MAP3K4: variants seen among roughly 807,000 people sequenced by gnomAD.
The protein encoded by MAP3K4 is mitogen-activated protein kinase kinase kinase 4, also known as MAP three kinase 1.
Under a neutral mutation model 185.6 loss-of-function variants are expected in MAP3K4, and 67 were observed. The ratio of observed to expected loss-of-function variants is 0.36; its 90% CI spans 0.30 to 0.44. The LOEUF is 0.44. MAP3K4 is among the 20% of genes least tolerant of loss of function. MAP3K4 has a pLI of 1.00. For synonymous variants in MAP3K4, 702 were observed against 710.4 expected (o/e 0.99, Z 0.19); for missense variants, 1,551 against 1,995.1 (o/e 0.78, Z 4.24).
At position 161,084,769 on chromosome 6, in the gene MAP3K4, T is replaced by C. The variant is rs1785619603; in HGVS notation, c.2372+152T>C. The C allele has an allele frequency of 2.0e-6, 1 of 511,148 alleles. No individual in the cohort carries two copies. Among genetic ancestry groups the C allele is most frequent in the African/African-American group, 1.9e-5 (1 of 51,676 alleles). 31.7% of individuals were successfully genotyped at this position (511,148 alleles called of 1,614,324 possible). ...TAAAGGGATTTATTTATAACTGCCT[T>C]GTCTTTTCATGTGATTTCTTAGTTA... On this transcript the variant is annotated intron_variant, in intron 7 of 26. Coordinates refer to ENST00000392142, the MANE Select transcript of MAP3K4 (RefSeq NM_005922.4). This position sits in a 1 kb window ranked among gnomAD's most constrained non-coding sequence, Gnocchi z 4.6.
At chr6:161,018,725 A>G (rs1361824532) in intron 1 of MAP3K4, among the ~76,000 whole-genome samples, 1 of 152,212 alleles carries the variant, frequency 6.6e-6, no homozygotes, top group Non-Finnish European at 1.5e-5. Context: ...CCAGGAGAAA[A>G]ATTAGTCAAT....
chr6:160,998,795 A>G lies in MAP3K4; in HGVS notation c.152+6712A>G, dbSNP rs113302046. On this transcript the variant is annotated intron_variant, in intron 1 of 26. Transcript: ENST00000392142. Reference sequence around the variant, plus strand: ...TTTAAGCGGTGTACTTGAAATGTCTATATTTTAAAAGATACATTATTCCAC... The same window carrying G: ...TTTAAGCGGTGTACTTGAAATGTCTGTATTTTAAAAGATACATTATTCCAC... Among the ~76,000 whole-genome samples the G allele has an allele frequency of 4.0e-3, 604 of 152,342 alleles. 3 individuals carry two copies. The highest frequency in any genetic ancestry group is 0.012 in the African/African-American group (512 of 41,572).
Position 161,070,899 on chromosome 6 carries a change from T to A in MAP3K4, c.1950+49T>A, listed in dbSNP as rs1175680603. ...ATATTTAGCAATTATTATATTATCCTACAGGCTTATCATTTTTATTTTGAG... is the reference window on the plus strand; with the variant it reads ...ATATTTAGCAATTATTATATTATCCAACAGGCTTATCATTTTTATTTTGAG... On this transcript the variant is annotated intron_variant, in intron 4 of 26. Transcript: ENST00000392142. The surrounding 1 kb of genome is among the most constrained non-coding windows in gnomAD (Gnocchi z 4.5). 6.8e-7 allele frequency: 1 copy of A among 1,462,056 alleles called. No homozygotes were observed. Among genetic ancestry groups the A allele is most frequent in the African/African-American group, 1.4e-5 (1 of 69,816 alleles). The allele number at this position is 1,462,056 out of a possible 1,614,324, so 90.6% of individuals were successfully genotyped here.
At chr6:161,057,754 A>G (rs139364372) in intron 3 of MAP3K4, among the ~76,000 whole-genome samples, 299 of 152,328 alleles carry the variant, frequency 2.0e-3, no homozygotes, top group African/African-American at 7.0e-3. Context: ...ACTTGTTTCA[A>G]TCATTCCCTG....
chr6:161,009,498 C>CT lies in MAP3K4; in HGVS notation c.152+17420dup, dbSNP rs1781751083. On this transcript the variant is annotated intron_variant, in intron 1 of 26. Transcript: ENST00000392142. ...ATGTAAGTGGAATCAGAGCATTTGT[C>CT]TTTTTCTGATTGGCTTATTTCACTT... 2.0e-5 allele frequency among the ~76,000 whole-genome samples: 3 copies of CT among 152,110 alleles called. 1 individual carries two copies. In the South Asian group the frequency reaches 6.2e-4, roughly 31 times the overall value.
At chr6:161,113,790 C>CTTTTTTTTT (rs963260228) in intron 25 of MAP3K4, among the ~76,000 whole-genome samples, 51 of 71,084 alleles carry the variant, frequency 7.2e-4, no homozygotes, top group Non-Finnish European at 7.5e-4. Context: ...ATATGAGTGA[C>CTTTTTTTTT]TTTTTTTTTT....
At position 161,034,376 on chromosome 6, in the gene MAP3K4, A is replaced by T; in HGVS notation, c.270A>T (p.Arg90=). 1 of 1,613,968 alleles carries T rather than the reference A, an allele frequency of 6.2e-7. No individual in the cohort carries two copies. Among genetic ancestry groups the T allele is most frequent in the Non-Finnish European group, 8.5e-7 (1 of 1,179,910 alleles). The change falls in exon 2 of 27, where the codon CGA becomes CGT. Residue 90 remains arginine, a synonymous_variant. Coordinates refer to ENST00000392142, the MANE Select transcript of MAP3K4 (RefSeq NM_005922.4). This position sits in a 1 kb window ranked among gnomAD's most constrained non-coding sequence, Gnocchi z 4.4. ...GTACCTCTCCCCCCAGCACACCTCG[A>T]CAGATGAAACGCATGTCAACCAAAC... ...LYGTSPPSTP[R]QMKRMSTKHQ...
chr6:161,055,886 T>C (rs540154227), intron 3 of MAP3K4, among the ~76,000 whole-genome samples: 1 of 152,310 alleles, frequency 6.6e-6, no homozygotes, highest in East Asian at 1.9e-4. Flanking sequence ...CAACCCACTC[T>C]CAAGGGGAGG....
At chr6:161,033,462 T>TA (rs1783021340) in intron 1 of MAP3K4, among the ~76,000 whole-genome samples, 1 of 152,208 alleles carries the variant, frequency 6.6e-6, no homozygotes, top group African/African-American at 2.4e-5. Context: ...GCAGTGTTTT[T>TA]AGAGAACAAA....
chr6:161,045,769 T>C (rs1248718068), intron 2 of MAP3K4, among the ~76,000 whole-genome samples: 1 of 152,202 alleles, frequency 6.6e-6, no homozygotes, highest in Non-Finnish European at 1.5e-5. Flanking sequence ...TTATCAATAA[T>C]GCACCACATT....
chr6:161,035,047 C>T (rs534677570), intron 2 of MAP3K4, among the ~76,000 whole-genome samples: 6 of 152,114 alleles, frequency 3.9e-5, no homozygotes, highest in Non-Finnish European at 8.8e-5. Flanking sequence ...CGTGCTTTTT[C>T]TTTCCCCCCA....
intron 3 of MAP3K4, among the ~76,000 whole-genome samples, chr6:161,060,432 T>C (rs1784432033): frequency 6.6e-6 from 1 of 152,184 alleles, no homozygotes; most frequent in South Asian, 2.1e-4. Flanking sequence ...CATTAATGTA[T>C]TGAAGTAATT....
Position 161,098,914 on chromosome 6 carries a change from GT to G in MAP3K4, c.3674+490del, listed in dbSNP as rs1392720726. ...AGAAGTGGAAAAATGAGTTCATGGGGTTTGTATGTCATATGGAGAACAGATC... is the reference window on the plus strand; with the variant it reads ...AGAAGTGGAAAAATGAGTTCATGGGGTTGTATGTCATATGGAGAACAGATC... On this transcript the variant is annotated intron_variant, in intron 17 of 26. Transcript: ENST00000392142. This position sits in a 1 kb window ranked among gnomAD's most constrained non-coding sequence, Gnocchi z 4.4. Among the ~76,000 whole-genome samples, 8 of 152,192 alleles carry G rather than the reference GT, an allele frequency of 5.3e-5. No homozygotes were observed. Among genetic ancestry groups the G allele is most frequent in the Non-Finnish European group, 1.0e-4 (7 of 68,026 alleles).
At position 161,076,867 on chromosome 6, in the gene MAP3K4, A is replaced by C. The variant is rs1785202127; in HGVS notation, c.2097+3255A>C. On this transcript the variant is annotated intron_variant, in intron 5 of 26. Coordinates refer to ENST00000392142, the MANE Select transcript of MAP3K4 (RefSeq NM_005922.4). This position sits in a 1 kb window ranked among gnomAD's most constrained non-coding sequence, Gnocchi z 4.2. ...ACCAAGGAACTAGTGCCGAGCGTAA[A>C]CTCCCTCTTAGAGTTTAAGAATAGG... Among the ~76,000 whole-genome samples the C allele has an allele frequency of 6.6e-6, 1 of 152,050 alleles. No individual in the cohort carries two copies. Among genetic ancestry groups the C allele is most frequent in the Non-Finnish European group, 1.5e-5 (1 of 68,012 alleles).
At chr6:161,016,078 A>G (rs1378656236) in intron 1 of MAP3K4, among the ~76,000 whole-genome samples, 2 of 152,110 alleles carry the variant, frequency 1.3e-5, no homozygotes, top group African/African-American at 4.8e-5. Context: ...TAACCATCCT[A>G]GTGGATATAA....
chr6:161,097,861 G>A lies in MAP3K4; in HGVS notation c.3525-417G>A, dbSNP rs1021467648. Among the ~76,000 whole-genome samples, 33 of 152,070 alleles carry A rather than the reference G, an allele frequency of 2.2e-4. No homozygotes were observed. Among genetic ancestry groups the A allele is most frequent in the African/African-American group, 7.2e-4 (30 of 41,396 alleles). On this transcript the variant is annotated intron_variant, in intron 16 of 26. Coordinates refer to ENST00000392142, the MANE Select transcript of MAP3K4 (RefSeq NM_005922.4). The surrounding 1 kb of genome is among the most constrained non-coding windows in gnomAD (Gnocchi z 4.9). The stretch of plus-strand genomic sequence containing the variant: ...CCAGCACTTTAGGAGGACGAGGCGG[G>A]AGGATCACTTGAGCCCAGGAGAACA...
At chr6:161,078,935 C>A (rs1009128619) in intron 5 of MAP3K4, among the ~76,000 whole-genome samples, 1 of 152,086 alleles carries the variant, frequency 6.6e-6, no homozygotes, top group African/African-American at 2.4e-5. Context: ...CAGTTGGAGC[C>A]GGGTGCGGTG....
At position 161,085,114 on chromosome 6, in the gene MAP3K4, C is replaced by T. The variant is rs549526953; in HGVS notation, c.2372+497C>T. ...TGAGCCAAGATCATGCCACTGCACT[C>T]CAGCCTGGGTGACAGAGCAAGACTC... On this transcript the variant is annotated intron_variant, in intron 7 of 26. Transcript: ENST00000392142. Among the ~76,000 whole-genome samples, 27 of 150,942 alleles carry T rather than the reference C, an allele frequency of 1.8e-4. No homozygotes were observed. The South Asian group carries it at 5.2e-3, about 29-fold the overall frequency.
Position 161,110,735 on chromosome 6 carries a change from C to G in MAP3K4, c.4396+821C>G, listed in dbSNP as rs1778308210. 6.6e-6 allele frequency among the ~76,000 whole-genome samples: 1 copy of G among 152,190 alleles called. No homozygotes were observed. Among genetic ancestry groups the G allele is most frequent in the Non-Finnish European group, 1.5e-5 (1 of 68,040 alleles). On this transcript the variant is annotated intron_variant, in intron 23 of 26. Transcript: ENST00000392142. The surrounding 1 kb of genome is among the most constrained non-coding windows in gnomAD (Gnocchi z 4.8). ...TCTGGGTGTAAGCATTGTTCGTGCT[C>G]TGTAATGTGGCTCACCCTGAATCAC...
Sources: allele counts gnomAD v4.1 joint callset (sites outside exome capture counted in the v4.1 genomes callset), GRCh38; gene constraint gnomAD v4.1.1; non-coding constraint Gnocchi (gnomAD v3.1); transcripts MANE v1.5; gene names NCBI Gene and HGNC (gene_info 2026-07-23, HGNC 2026-07-21).